The following GRXCR2 variants were observed in gnomAD, a reference collection of about 807,000 sequenced individuals.
The protein encoded by GRXCR2 is glutaredoxin and cysteine rich domain containing 2, also known as glutaredoxin domain-containing cysteine-rich protein 2.
GRXCR2 carries 23 observed loss-of-function variants against 24.8 expected under a neutral mutation model. That is an observed-to-expected ratio of 0.93 (90% CI 0.67 to 1.32). GRXCR2 has a LOEUF of 1.32. GRXCR2 is among the 40% of genes most tolerant of loss of function. The probability of loss-of-function intolerance (pLI) is 0.00; values close to 1 mark genes in which losing one functional copy is unlikely to be tolerated. For missense variants in GRXCR2, 315 were observed against 303.4 expected (o/e 1.04, Z -0.28); for synonymous variants, 130 against 116.1 (o/e 1.12, Z -0.77).
chr5:145,867,643 A>G (rs986326752), intron 1 of GRXCR2, among the ~76,000 whole-genome samples: 1 of 152,212 alleles, frequency 6.6e-6, no homozygotes, highest in Non-Finnish European at 1.5e-5. Flanking sequence ...TAAATAGAAG[A>G]CTGCCTGACT....
chr5:145,884,323 G>A (rs1370609093), intron 2 of GRXCR2, among the ~76,000 whole-genome samples: 1 of 151,968 alleles, frequency 6.6e-6, no homozygotes, highest in Admixed American at 6.6e-5. Flanking sequence ...GATAGAAGAA[G>A]CATTCTAGAT....
chr5:145,874,640 T>C (rs1029554554), upstream of GRXCR2, among the ~76,000 whole-genome samples: 1 of 152,204 alleles, frequency 6.6e-6, no homozygotes, highest in African/African-American at 2.4e-5. Context: ...AATTCCATTC[T>C]CCATATTGAT....
At chr5:145,870,879 A>G (rs1231098322) in intron 1 of GRXCR2, among the ~76,000 whole-genome samples, 3 of 152,232 alleles carry the variant, frequency 2.0e-5, no homozygotes, top group African/African-American at 7.2e-5. Context: ...TAAAACACAT[A>G]GAGTACTGTG....
upstream of GRXCR2, among the ~76,000 whole-genome samples, chr5:145,877,069 A>G (rs541613247): frequency 6.6e-6 from 1 of 152,254 alleles, no homozygotes; most frequent in South Asian, 2.1e-4. Flanking sequence ...TTGATAAGCA[A>G]GAATAAAATA....
At chr5:145,923,597 GT>G (rs1172252354) in intron 2 of GRXCR2, among the ~76,000 whole-genome samples, 25 of 152,250 alleles carry the variant, frequency 1.6e-4, no homozygotes, top group Middle Eastern at 6.8e-3. Flanking sequence ...AGTGGTGCTA[GT>G]TGCTTAATAT....
chr5:145,913,031 C>A (rs1757188811), intron 2 of GRXCR2, among the ~76,000 whole-genome samples: 1 of 152,158 alleles, frequency 6.6e-6, no homozygotes, highest in South Asian at 2.1e-4. Context: ...CCTTTTTAAA[C>A]AAATTTTTAT....
intron 2 of GRXCR2, 60 bp from the exon 3 acceptor site, chr5:145,859,975 A>G (rs1581327101): frequency 7.3e-7 from 1 of 1,369,216 alleles, no homozygotes; most frequent in Non-Finnish European, 9.9e-7. Flanking sequence ...GTTCACATGC[A>G]GGTCAAAACA....
intron 2 of GRXCR2, among the ~76,000 whole-genome samples, chr5:145,893,030 C>T (rs1756894222): frequency 6.6e-6 from 1 of 152,156 alleles, no homozygotes; most frequent in African/African-American, 2.4e-5. Context: ...TCCAGCCAAA[C>T]TAAGCTTCAT....
chr5:145,872,444 G>A (rs1561678192), intron 1 of GRXCR2, among the ~76,000 whole-genome samples, 189 bp downstream of exon 1: 1 of 152,168 alleles, frequency 6.6e-6, no homozygotes, highest in Non-Finnish European at 1.5e-5. Flanking sequence ...TTTCCAATTA[G>A]TAGTCAACAA....
chr5:145,886,039 T>A (rs146325488), intron 2 of GRXCR2, among the ~76,000 whole-genome samples: 1 of 152,340 alleles, frequency 6.6e-6, no homozygotes, highest in African/African-American at 2.4e-5. Context: ...TCTCACATCA[T>A]GAAATTGACC....
intron 2 of GRXCR2, among the ~76,000 whole-genome samples, chr5:145,896,110 A>C (rs1231169348): frequency 2.6e-5 from 4 of 152,174 alleles, no homozygotes; most frequent in Non-Finnish European, 5.9e-5. Flanking sequence ...TCCCTTCCTT[A>C]TACCTTATAC....
rs1426809983 is a variant in GRXCR2, at chr5:145,858,761, C to G, written c.*972G>C. The G allele has an allele frequency of 1.3e-5, 2 of 152,068 alleles. No individual in the cohort carries two copies. Among genetic ancestry groups the G allele is most frequent in the Non-Finnish European group, 2.9e-5 (2 of 68,016 alleles). 9.4% of individuals were successfully genotyped at this position (152,068 alleles called of 1,614,324 possible). On this transcript the variant is annotated 3_prime_UTR_variant, in exon 3 of 3. Transcript: ENST00000377976. ...AAAAGTTCATTAACAAAAGTATGTT[C>G]TAATTTTATAACCAACCTCAAGAGG...
intron 2 of GRXCR2, among the ~76,000 whole-genome samples, chr5:145,893,825 C>A (rs1756907311): frequency 6.6e-6 from 1 of 152,124 alleles, no homozygotes. Context: ...ATCAAGAGAA[C>A]ATGCATTCTT....
At chr5:145,920,403 T>C (rs1243597680) in intron 2 of GRXCR2, among the ~76,000 whole-genome samples, 4 of 152,190 alleles carry the variant, frequency 2.6e-5, no homozygotes, top group African/African-American at 9.7e-5. Context: ...TCTCTAAAGT[T>C]TGAGCACCCT....
intron 2 of GRXCR2, among the ~76,000 whole-genome samples, chr5:145,927,834 A>T (rs1208315745): frequency 6.6e-6 from 1 of 152,220 alleles, no homozygotes; most frequent in Admixed American, 6.5e-5. Flanking sequence ...TTCAGGACAT[A>T]GGCATGGGGA....
intron 2 of GRXCR2, among the ~76,000 whole-genome samples, chr5:145,922,317 C>T (rs1004271079): frequency 6.6e-6 from 1 of 152,214 alleles, no homozygotes; most frequent in African/African-American, 2.4e-5. Context: ...GACTCCTCCT[C>T]ATCTCTTCTG....
rs770833599 is a variant in GRXCR2 at position 145,872,869 on chromosome 5, G to A, written c.100C>T (p.Gln34Ter). 2.5e-6 allele frequency: 4 copies of A among 1,613,962 alleles called. No individual in the cohort carries two copies. In the African/African-American group the frequency reaches 5.3e-5, roughly 22 times the overall value. Residue 34 changes from glutamine to a stop codon, truncating the protein, a stop_gained, in exon 1 of 3, where the codon CAG becomes TAG. Coordinates refer to ENST00000377976, the MANE Select transcript of GRXCR2 (RefSeq NM_001080516.2). LOFTEE classifies it high-confidence loss of function. The stretch of plus-strand genomic sequence containing the variant: ...AATTCCTGCCCATCCTCAAAGACCT[G>A]CTTCAATACTCGACCGCTGTAGGAG... The part of the protein sequence containing the change: ...SSSYSGRVLK[Q>*]VFEDGQELES...
chr5:145,918,878 C>T (rs1265573756), intron 2 of GRXCR2, among the ~76,000 whole-genome samples: 1 of 152,130 alleles, frequency 6.6e-6, no homozygotes, highest in Non-Finnish European at 1.5e-5. Context: ...GACCTCACAC[C>T]CTGGAAAAGC....
chr5:145,900,905 G>T (rs191520299), intron 2 of GRXCR2, among the ~76,000 whole-genome samples: 1 of 152,212 alleles, frequency 6.6e-6, no homozygotes, highest in African/African-American at 2.4e-5. Flanking sequence ...GCCCATCAGT[G>T]GTGGATTGTA....
Sources: allele counts gnomAD v4.1 joint callset (sites outside exome capture counted in the v4.1 genomes callset), GRCh38; gene constraint gnomAD v4.1.1; transcripts MANE v1.5; gene names NCBI Gene and HGNC (gene_info 2026-07-23, HGNC 2026-07-21).